The following CHLSN variants were observed in gnomAD, a reference collection of about 807,000 sequenced individuals.
The protein encoded by CHLSN is protein cholesin.
the CHLSN span, among the ~76,000 whole-genome samples, chr7:1,061,922 C>T: frequency 5.3e-5 from 8 of 152,034 alleles, no homozygotes; most frequent in Non-Finnish European, 5.9e-5. Context: ...CCCAATTCTT[C>T]CAAGCAGCCG....
chr7:1,100,747 C>G, the CHLSN span, among the ~76,000 whole-genome samples: 1 of 152,068 alleles, frequency 6.6e-6, no homozygotes, highest in Admixed American at 6.5e-5. Context: ...TGCCTCCCGG[C>G]CTCCACAGGG....
chr7:1,036,350 C>A, the CHLSN span, among the ~76,000 whole-genome samples: 1 of 108,272 alleles, frequency 9.2e-6, no homozygotes, highest in Non-Finnish European at 1.9e-5. Context: ...CCGTGCAGGG[C>A]TCGGGTGCTC....
chr7:1,070,444 C>T, the CHLSN span, among the ~76,000 whole-genome samples: 1 of 149,096 alleles, frequency 6.7e-6, no homozygotes, highest in African/African-American at 2.4e-5. Flanking sequence ...AGTGAGGAGC[C>T]CCTCTGCCCG....
the CHLSN span, among the ~76,000 whole-genome samples, chr7:1,086,556 A>G: frequency 1.3e-5 from 2 of 152,236 alleles, no homozygotes; most frequent in African/African-American, 4.8e-5. Context: ...TACACATCTG[A>G]AAGACTTTAA....
At chr7:1,091,635 G>T in the CHLSN span, 1 of 971,716 alleles carries the variant, frequency 1.0e-6, no homozygotes, top group Non-Finnish European at 1.6e-6. Context: ...TCACTTCAAG[G>T]AGAATCACGC....
the CHLSN span, among the ~76,000 whole-genome samples, chr7:1,016,305 A>T: frequency 2.3e-5 from 1 of 43,090 alleles, no homozygotes; most frequent in East Asian, 4.9e-4. Flanking sequence ...GCCAGCACAT[A>T]GCAGCACAGC....
the CHLSN span, among the ~76,000 whole-genome samples, chr7:996,749 A>G: frequency 6.6e-6 from 1 of 152,220 alleles, no homozygotes; most frequent in Admixed American, 6.5e-5. Context: ...GGGAACAGGA[A>G]GTGTGTGGCT....
At chr7:1,051,862 C>T in the CHLSN span, among the ~76,000 whole-genome samples, 1 of 152,194 alleles carries the variant, frequency 6.6e-6, no homozygotes, top group African/African-American at 2.4e-5. Flanking sequence ...CCTGTAGTCC[C>T]AGCTTCTTGG....
the CHLSN span, chr7:1,000,376 C>G: frequency 8.9e-7 from 1 of 1,123,706 alleles, no homozygotes; most frequent in Admixed American, 2.4e-5. Flanking sequence ...CCTGCCCCGC[C>G]GTGCACACAC....
the CHLSN span, chr7:1,058,037 C>T: frequency 2.2e-4 from 167 of 769,158 alleles, no homozygotes; most frequent in Middle Eastern, 1.8e-3. Flanking sequence ...TGTCCACCCG[C>T]GCGCTAGAGT....
chr7:1,136,644 ATG>A, the CHLSN span, among the ~76,000 whole-genome samples: 32 of 146,632 alleles, frequency 2.2e-4, no homozygotes, highest in African/African-American at 6.5e-4. Context: ...ATATATGCGG[ATG>A]TGTGTATAAA....
At chr7:986,885 G>C in the CHLSN span, 1 of 1,385,078 alleles carries the variant, frequency 7.2e-7, no homozygotes, top group Non-Finnish European at 9.5e-7. Flanking sequence ...GGTCCATACC[G>C]GTCCTGCACC....
the CHLSN span, among the ~76,000 whole-genome samples, chr7:1,005,958 C>G: frequency 3.3e-5 from 5 of 152,390 alleles, no homozygotes; most frequent in South Asian, 2.1e-4. Context: ...ACCTCGCCAC[C>G]TGCCCCCAAC....
the CHLSN span, among the ~76,000 whole-genome samples, chr7:1,054,967 G>A: frequency 6.6e-6 from 1 of 152,262 alleles, no homozygotes; most frequent in African/African-American, 2.4e-5. Context: ...AAAAGGGTTC[G>A]TAACCAACAT....
chr7:1,012,092 GAAAGGTA>G, the CHLSN span, among the ~76,000 whole-genome samples: 14 of 152,262 alleles, frequency 9.2e-5, no homozygotes, highest in Non-Finnish European at 1.5e-4. Flanking sequence ...AACTGGCCCT[GAAAGGTA>G]AAAACCCTCC....
chr7:990,398 G>C, the CHLSN span, among the ~76,000 whole-genome samples: 18,216 of 145,798 alleles, frequency 0.12, 1,715 homozygotes, highest in African/African-American at 0.23. Context: ...CGGTGTGATG[G>C]GACACCTGCT....
chr7:983,960 G>A, the CHLSN span, among the ~76,000 whole-genome samples: 1 of 152,150 alleles, frequency 6.6e-6, no homozygotes, highest in Non-Finnish European at 1.5e-5. Flanking sequence ...AGTCAGGCCC[G>A]GGCCCTGCCT....
At chr7:1,080,463 C>T in the CHLSN span, among the ~76,000 whole-genome samples, 8 of 152,296 alleles carry the variant, frequency 5.3e-5, no homozygotes, top group South Asian at 4.1e-4. Flanking sequence ...GTGCCACCCG[C>T]GTGACGGTCC....
the CHLSN span, among the ~76,000 whole-genome samples, chr7:979,244 G>C: frequency 6.6e-6 from 1 of 152,138 alleles, no homozygotes; most frequent in Non-Finnish European, 1.5e-5. Context: ...GTTTCAGTTC[G>C]ACTGCTCCAA....
Sources: gnomAD v4.1 joint callset for allele counts (sites outside exome capture counted in the v4.1 genomes callset) on GRCh38, gnomAD v4.1.1 for gene constraint, MANE v1.5 for transcripts, NCBI Gene and HGNC (gene_info 2026-07-23, HGNC 2026-07-21) for gene names.